The following GPX4 variants were observed in gnomAD, a reference collection of about 807,000 sequenced individuals.
The protein encoded by GPX4 is glutathione peroxidase 4, also known as phospholipid hydroperoxide glutathione peroxidase GPX4.
Under a neutral mutation model 27.8 loss-of-function variants are expected in GPX4, and 28 were observed. The observed-to-expected ratio is 1.01, with a 90% confidence interval of 0.75 to 1.38. GPX4 has a LOEUF of 1.38. Ranked by LOEUF, GPX4 falls within the 40% of genes most tolerant of loss-of-function variation. GPX4 has a pLI of 0.00. For missense variants in GPX4, 357 were observed against 274.1 expected, an observed-to-expected ratio of 1.30 and a Z score of -2.14; for synonymous variants, 163 against 107.8, an observed-to-expected ratio of 1.51 and a Z score of -3.17.
intron 4 of GPX4, 133 bp from the exon 5 acceptor site, chr19:1,106,109 G>C (rs2079650247): frequency 1.2e-6 from 1 of 848,564 alleles, no homozygotes; most frequent in South Asian, 1.7e-5. Flanking sequence ...GATGGCTCTG[G>C]GGGGGCTTGG....
chr19:1,105,694 G>A lies in GPX4; in HGVS notation c.361G>A (p.Ala121Thr), dbSNP rs769340944. ...TAACGAAGAGATCAAAGAGTTCGCC[G>A]CGGGCTACAACGTCAAATTCGATAT... Reference protein sequence around the residue: ...GSNEEIKEFAAGYNVKFDMFS... With the variant: ...GSNEEIKEFATGYNVKFDMFS... Residue 121 changes from alanine (A) to threonine (T), a missense_variant, in exon 4 of 7, where the codon GCG (alanine) becomes ACG (threonine). Transcript: ENST00000354171. 4.3e-6 allele frequency: 7 copies of A among 1,612,574 alleles called. No homozygotes were observed. Among genetic ancestry groups the A allele is most frequent in the Non-Finnish European group, 5.9e-6 (7 of 1,179,488 alleles).
chr19:1,105,944 C>A (rs1333794213), intron 4 of GPX4, 135 bp downstream of exon 4: 1 of 1,101,458 alleles, frequency 9.1e-7, no homozygotes, highest in Non-Finnish European at 1.3e-6. Context: ...TCTCACATCG[C>A]GTGGCCTCCT....
chr19:1,104,457 G>A, intron 1 of GPX4: 1 of 369,448 alleles, frequency 2.7e-6, no homozygotes, highest in Non-Finnish European at 4.3e-6. Flanking sequence ...GTCCAGGCTT[G>A]CAGGGGGCGG....
chr19:1,105,125 C>G, intron 1 of GPX4, 61 bp from the exon 2 acceptor site: 1 of 1,588,368 alleles, frequency 6.3e-7, no homozygotes, highest in Non-Finnish European at 8.6e-7. Context: ...CCCTTCCTGC[C>G]TCAGGGTCCC....
chr19:1,104,001 G>A lies in GPX4; in HGVS notation c.-43G>A, dbSNP rs756060142. 1.7e-5 allele frequency: 26 copies of A among 1,499,786 alleles called. No individual in the cohort carries two copies. In the South Asian group the frequency reaches 3.1e-4, roughly 18 times the overall value. The allele number at this position is 1,499,786 out of a possible 1,614,324, so 92.9% of individuals were successfully genotyped here. On this transcript the variant is annotated 5_prime_UTR_variant, in exon 1 of 7. Transcript: ENST00000354171. ...GAAAGCCGACGCGCGTCCATTGGTCGGCTGGACGAGGGGAGGAGCCGCTGG... is the reference window on the plus strand; with the variant it reads ...GAAAGCCGACGCGCGTCCATTGGTCAGCTGGACGAGGGGAGGAGCCGCTGG...
chr19:1,105,339 C>T (rs1488901772), intron 2 of GPX4, 27 bp from the exon 3 acceptor site: 2 of 1,612,052 alleles, frequency 1.2e-6, no homozygotes, highest in African/African-American at 1.3e-5. Context: ...CCGTGTTCTT[C>T]TGCGCTGACG....
Position 1,105,278 on chromosome 19 carries a change from C to T in GPX4, c.177C>T (p.Tyr59=). Residue 59 remains tyrosine (Y), a splice_region_variant and synonymous_variant, in exon 2 of 7, where the codon TAC becomes TAT. Coordinates refer to ENST00000354171, the MANE Select transcript of GPX4 (RefSeq NM_002085.5). The part of the protein sequence containing the change: ...IDGHMVNLDK[Y]RGFVCIVTNV... ...GGCACATGGTTAACCTGGACAAGTA[C>T]CGGTGGGCGCTCGCCTGGGGTGGGG... 1.9e-6 allele frequency: 3 copies of T among 1,612,984 alleles called. No homozygotes were observed. Among genetic ancestry groups the T allele is most frequent in the Non-Finnish European group, 2.5e-6 (3 of 1,179,898 alleles).
chr19:1,105,724 A>G lies in GPX4; in HGVS notation c.391A>G (p.Ser131Gly), dbSNP rs73507255. The change falls in exon 4 of 7, where the codon AGC becomes GGC. Residue 131 changes from serine to glycine, a missense_variant. By Grantham distance (56) the Ser-to-Gly change is moderately conservative. Transcript: ENST00000354171. ...CTACAACGTCAAATTCGATATGTTC[A>G]GCAAGATCTGCGTGAACGGGGACGA... ...AGYNVKFDMFSKICVNGDDAH... is the reference protein window; with the variant it reads ...AGYNVKFDMFGKICVNGDDAH... 6,975 of 1,609,712 alleles carry G rather than the reference A, an allele frequency of 4.3e-3. 273 individuals are homozygous for G. In the African/African-American group the frequency reaches 0.085, roughly 20 times the overall value.
Position 1,106,455 on chromosome 19 carries a change from C to T in GPX4, c.557C>T (p.Pro186Leu). The change falls in exon 6 of 7, where the codon CCC becomes CTC. Residue 186 changes from proline (P) to leucine (L), a missense_variant. Coordinates refer to ENST00000354171, the MANE Select transcript of GPX4 (RefSeq NM_002085.5). Reference sequence around the variant, plus strand: ...AAGCGCTACGGACCCATGGAGGAGCCCCTGGTAGGTCCTCTCTAGGGAGCC... The same window carrying T: ...AAGCGCTACGGACCCATGGAGGAGCTCCTGGTAGGTCCTCTCTAGGGAGCC... ...VVKRYGPMEE[P>L]LVIEKDLPHY... 2 of 1,613,016 alleles carry T rather than the reference C, an allele frequency of 1.2e-6. No homozygotes were observed. The highest frequency in any genetic ancestry group is 1.7e-6 in the Non-Finnish European group (2 of 1,179,680).
Position 1,105,511 on chromosome 19 carries a change from G to T in GPX4, c.324+1G>T. ...CCCGTGTAACCAGTTCGGGAAGCAG[G>T]TGGGCTGCTGCGTCCCCGGGGCCCG... On this transcript the variant is annotated splice_donor_variant, in intron 3 of 6. Coordinates refer to ENST00000354171, the MANE Select transcript of GPX4 (RefSeq NM_002085.5). LOFTEE classifies it high-confidence loss of function. The T allele has an allele frequency of 6.2e-7, 1 of 1,612,258 alleles. No individual in the cohort carries two copies. Among genetic ancestry groups the T allele is most frequent in the Middle Eastern group, 1.7e-4 (1 of 6,008 alleles).
At chr19:1,106,053 G>GT (rs1248985529) in intron 4 of GPX4, 189 bp from the exon 5 acceptor site, 28 of 692,934 alleles carry the variant, frequency 4.0e-5, no homozygotes, top group South Asian at 9.6e-5. Flanking sequence ...TCGGGGGCCT[G>GT]TGGGGGGCTG....
At position 1,106,450 on chromosome 19, in the gene GPX4, G is replaced by T. The variant is rs747058722; in HGVS notation, c.552G>T (p.Glu184Asp). 197 of 1,613,418 alleles carry T rather than the reference G, an allele frequency of 1.2e-4. No homozygotes were observed. The South Asian group carries it at 1.6e-3, about 13-fold the overall frequency. ...TGGTGAAGCGCTACGGACCCATGGAGGAGCCCCTGGTAGGTCCTCTCTAGG... is the reference window on the plus strand; with the variant it reads ...TGGTGAAGCGCTACGGACCCATGGATGAGCCCCTGGTAGGTCCTCTCTAGG... ...GCVVKRYGPM[E>D]EPLVIEKDLP... is the part of the protein sequence containing the mutation. The change falls in exon 6 of 7, where the codon GAG (glutamate) becomes GAT (aspartate). Residue 184 changes from glutamate to aspartate, a missense_variant. Coordinates refer to ENST00000354171, the MANE Select transcript of GPX4 (RefSeq NM_002085.5).
In GPX4 at chr19:1,106,249, A is replaced by G. The variant is rs780851132; in HGVS notation, c.484A>G (p.Lys162Glu). The G allele has an allele frequency of 8.7e-6, 14 of 1,605,070 alleles. No homozygotes were observed. In the South Asian group the frequency reaches 1.2e-4, roughly 14 times the overall value. Reference protein sequence around the residue: ...KGKGILGNAIKWNFTKFLIDK... With the variant: ...KGKGILGNAIEWNFTKFLIDK... ...CATGTGCTTCTTTTCCAGTGCCATCAAGTGGAACTTCACCAAGGTAAGGGG... is the reference window on the plus strand; with the variant it reads ...CATGTGCTTCTTTTCCAGTGCCATCGAGTGGAACTTCACCAAGGTAAGGGG... Residue 162 changes from lysine (K) to glutamate (E), a missense_variant, in exon 5 of 7, where the codon AAG (lysine) becomes GAG (glutamate). Lys to Glu is a moderately conservative substitution (Grantham distance 56). Coordinates refer to ENST00000354171, the MANE Select transcript of GPX4 (RefSeq NM_002085.5).
intron 2 of GPX4, 43 bp downstream of exon 2, chr19:1,105,323 A>T: frequency 6.2e-7 from 1 of 1,612,352 alleles, no homozygotes; most frequent in South Asian, 1.1e-5. Context: ...GGGCCCTGGG[A>T]GGGGGCCGTG....
chr19:1,105,381 C>T lies in GPX4; in HGVS notation c.195C>T (p.Ile65=), dbSNP rs1291710607. The T allele has an allele frequency of 8.7e-6, 14 of 1,610,290 alleles. No individual in the cohort carries two copies. The highest frequency in any genetic ancestry group is 9.3e-6 in the Non-Finnish European group (11 of 1,177,968). Reference sequence around the variant, plus strand: ...ATCCTCGCAGGGGCTTCGTGTGCATCGTCACCAACGTGGCCTCCCAGTGAG... The same window carrying T: ...ATCCTCGCAGGGGCTTCGTGTGCATTGTCACCAACGTGGCCTCCCAGTGAG... The part of the protein sequence containing the change: ...NLDKYRGFVC[I]VTNVASQUGK... The change falls in exon 3 of 7, where the codon ATC becomes ATT. Residue 65 remains isoleucine (I), a synonymous_variant. Coordinates refer to ENST00000354171, the MANE Select transcript of GPX4 (RefSeq NM_002085.5).
In GPX4 at chr19:1,106,429, G is replaced by A. The variant is rs1386247798; in HGVS notation, c.531G>A (p.Val177=). The stretch of plus-strand genomic sequence containing the variant: ...TCATCGACAAGAACGGCTGCGTGGT[G>A]AAGCGCTACGGACCCATGGAGGAGC... ...KFLIDKNGCV[V]KRYGPMEEPL... The change falls in exon 6 of 7, where the codon GTG becomes GTA. Residue 177 remains valine, a synonymous_variant. Transcript: ENST00000354171. 3 of 1,613,436 alleles carry A rather than the reference G, an allele frequency of 1.9e-6. No individual in the cohort carries two copies. Among genetic ancestry groups the A allele is most frequent in the Admixed American group, 1.7e-5 (1 of 60,012 alleles).
Position 1,105,659 on chromosome 19 carries a change from A to G in GPX4, c.326A>G (p.Glu109Gly), listed in dbSNP as rs766180510. 1 of 1,612,742 alleles carries G rather than the reference A, an allele frequency of 6.2e-7. No homozygotes were observed. The highest frequency in any genetic ancestry group is 1.1e-5 in the South Asian group (1 of 90,994). Residue 109 changes from glutamate (E) to glycine (G), a missense_variant and splice_region_variant, in exon 4 of 7, where the codon GAG becomes GGG. Physicochemically the swap from Glu to Gly is moderately conservative, Grantham distance 98. Coordinates refer to ENST00000354171, the MANE Select transcript of GPX4 (RefSeq NM_002085.5). ...AFPCNQFGKQ[E>G]PGSNEEIKEF... ...ACTCACACACCTTGGCCGCCACAGG[A>G]GCCAGGGAGTAACGAAGAGATCAAA...
In GPX4 at chr19:1,106,254, G is replaced by A. The variant is rs893163820; in HGVS notation, c.489G>A (p.Trp163Ter). 1.2e-6 allele frequency: 2 copies of A among 1,603,144 alleles called. No homozygotes were observed. Among genetic ancestry groups the A allele is most frequent in the Non-Finnish European group, 8.5e-7 (1 of 1,173,112 alleles). The part of the protein sequence containing the change: ...GKGILGNAIK[W>*]NFTKFLIDKN... ...GCTTCTTTTCCAGTGCCATCAAGTG[G>A]AACTTCACCAAGGTAAGGGGGCTGT... The change falls in exon 5 of 7, where the codon TGG becomes TGA. Residue 163 changes from tryptophan (W) to a stop codon, truncating the protein, a stop_gained. Transcript: ENST00000354171. LOFTEE classifies it high-confidence loss of function.
At position 1,105,471 on chromosome 19, in the gene GPX4, G is replaced by C; in HGVS notation, c.285G>C (p.Leu95Phe). Reference sequence around the variant, plus strand: ...ACGCCCGATACGCTGAGTGTGGTTTGCGGATCCTGGCCTTCCCGTGTAACC... The same window carrying C: ...ACGCCCGATACGCTGAGTGTGGTTTCCGGATCCTGGCCTTCCCGTGTAACC... ...DLHARYAECG[L>F]RILAFPCNQF... is the part of the protein sequence containing the mutation. Residue 95 changes from leucine to phenylalanine, a missense_variant, in exon 3 of 7, where the codon TTG becomes TTC. Physicochemically the swap from Leu to Phe is conservative, Grantham distance 22. Transcript: ENST00000354171. 6.2e-7 allele frequency: 1 copy of C among 1,612,770 alleles called. No homozygotes were observed. Among genetic ancestry groups the C allele is most frequent in the Non-Finnish European group, 8.5e-7 (1 of 1,179,868 alleles).
Sources: gnomAD v4.1 joint callset for allele counts on GRCh38, gnomAD v4.1.1 for gene constraint, MANE v1.5 for transcripts, NCBI Gene and HGNC (gene_info 2026-07-23, HGNC 2026-07-21) for gene names.